KLF17: variants seen among roughly 807,000 people sequenced by gnomAD.
KLF17 encodes Krueppel-like factor 17.
KLF17 carries 31 observed loss-of-function variants against 34.2 expected under a neutral mutation model. That is an observed-to-expected ratio of 0.91 (90% CI 0.68 to 1.22). The LOEUF (loss-of-function observed/expected upper bound fraction) is 1.22, where lower values mean the gene tolerates loss of function less well. Among genes scored for constraint, KLF17 ranks in the 50% most tolerant of loss-of-function variants. The pLI is 0.00. For missense variants in KLF17, 478 were observed against 505.2 expected (o/e 0.95, Z 0.52); for synonymous variants, 179 against 186.7 (o/e 0.96, Z 0.34).
the KLF17 span, chr1:44,103,945 C>A: frequency 3.5e-6 from 3 of 860,250 alleles, no homozygotes; most frequent in East Asian, 4.8e-5. Flanking sequence ...ATGCTCTCAG[C>A]CTCAGCCCGC....
At chr1:44,103,693 G>C in the KLF17 span, 48 of 1,596,816 alleles carry the variant, frequency 3.0e-5, no homozygotes, top group South Asian at 4.4e-5. Context: ...TGCTTGGCCG[G>C]CTGGAGGGCG....
At chr1:44,127,692 T>TTTTCTTTCTTTCTTTCTTTCTTTCTTTC (rs71036666) in intron 1 of KLF17, among the ~76,000 whole-genome samples, 43 of 90,168 alleles carry the variant, frequency 4.8e-4, no homozygotes, top group African/African-American at 1.2e-3. Context: ...CTTTCTTTCT[T>TTTTCTTTCTTTCTTTCTTTCTTTCTTTC]TTTCTTTCTT....
chr1:44,069,469 CGAGAGAGAGA>C, the KLF17 span, among the ~76,000 whole-genome samples: 2,575 of 127,096 alleles, frequency 0.02, 31 homozygotes, highest in Middle Eastern at 0.026. The surrounding 1 kb of genome is among the most constrained non-coding windows in gnomAD (Gnocchi z 4.7). Context: ...TGTTACATGG[CGAGAGAGAGA>C]GAGAGAGAGA....
At chr1:44,046,299 C>G in the KLF17 span, 6 of 151,422 alleles carry the variant, frequency 4.0e-5, no homozygotes, top group Admixed American at 4.0e-4. Context: ...CTCACTGCAG[C>G]CTTGACCTCC....
At chr1:44,127,635 T>TG (rs2088027405) in intron 1 of KLF17, among the ~76,000 whole-genome samples, 1 of 29,756 alleles carries the variant, frequency 3.4e-5, no homozygotes, top group Non-Finnish European at 7.9e-5. Flanking sequence ...TTTTCTTTTC[T>TG]TTCCTTCTTT....
At chr1:44,132,869 G>A (rs529947060) in intron 3 of KLF17, among the ~76,000 whole-genome samples, 20 of 152,110 alleles carry the variant, frequency 1.3e-4, no homozygotes, top group Non-Finnish European at 1.0e-4. Flanking sequence ...ATTTAGACTC[G>A]GCAGGCTGTT....
At chr1:44,098,912 G>C in the KLF17 span, among the ~76,000 whole-genome samples, 1 of 83,834 alleles carries the variant, frequency 1.2e-5, no homozygotes, top group African/African-American at 4.3e-5. Flanking sequence ...TTTTTTTTTT[G>C]AGACAGGGTC....
the KLF17 span, among the ~76,000 whole-genome samples, chr1:44,079,604 TA>T: frequency 1.3e-5 from 2 of 152,042 alleles, no homozygotes; most frequent in Non-Finnish European, 2.9e-5. Context: ...ACGCCTGGCC[TA>T]GTAATTCTTT....
the KLF17 span, among the ~76,000 whole-genome samples, chr1:44,071,992 G>T: frequency 2.5e-4 from 37 of 150,260 alleles, no homozygotes; most frequent in African/African-American, 4.7e-4. Flanking sequence ...GTTTTTTTTT[G>T]GGGGGGGACG....
the KLF17 span, among the ~76,000 whole-genome samples, chr1:44,090,143 A>AG: frequency 2.0e-5 from 3 of 150,334 alleles, no homozygotes; most frequent in African/African-American, 7.4e-5. Context: ...AAAAAAAAAA[A>AG]AGAGAGAGAG....
chr1:44,113,315 C>T, the KLF17 span, among the ~76,000 whole-genome samples: 3 of 152,134 alleles, frequency 2.0e-5, no homozygotes, highest in African/African-American at 4.8e-5. Flanking sequence ...AGAGAGGCAA[C>T]AGAACAGAAT....
At chr1:44,129,277 TG>T in intron 1 of KLF17, 75 bp from the exon 2 acceptor site, 2 of 1,456,446 alleles carry the variant, frequency 1.4e-6, no homozygotes, top group Non-Finnish European at 1.8e-6. Context: ...TGGATTAGGA[TG>T]GGGTCTGGGG....
the KLF17 span, among the ~76,000 whole-genome samples, chr1:44,091,050 TAAA>T: frequency 6.6e-6 from 1 of 152,102 alleles, no homozygotes; most frequent in Non-Finnish European, 1.5e-5. Context: ...ATGAGTACCC[TAAA>T]GAGCTTTTGT....
At chr1:44,069,673 T>C in the KLF17 span, among the ~76,000 whole-genome samples, 1 of 152,166 alleles carries the variant, frequency 6.6e-6, no homozygotes, top group African/African-American at 2.4e-5. This position sits in a 1 kb window ranked among gnomAD's most constrained non-coding sequence, Gnocchi z 4.7. Flanking sequence ...GGGGATCACA[T>C]TTCAACTGAG....
At chr1:44,067,348 A>T in the KLF17 span, among the ~76,000 whole-genome samples, 1 of 152,204 alleles carries the variant, frequency 6.6e-6, no homozygotes, top group East Asian at 1.9e-4. Context: ...GATAAAGCTG[A>T]ATTTTGAGAC....
chr1:44,111,816 C>T, the KLF17 span, among the ~76,000 whole-genome samples: 1 of 152,132 alleles, frequency 6.6e-6, no homozygotes, highest in Non-Finnish European at 1.5e-5. Context: ...TTGCTTGAAC[C>T]CTGGAGGCAG....
At chr1:44,044,040 C>T in the KLF17 span, 1 of 152,532 alleles carries the variant, frequency 6.6e-6, no homozygotes, top group Non-Finnish European at 1.5e-5. Flanking sequence ...TTCTGTGTAA[C>T]CAGCTGTGGC....
chr1:44,090,042 C>T, the KLF17 span, among the ~76,000 whole-genome samples: 12,471 of 149,248 alleles, frequency 0.084, 794 homozygotes, highest in South Asian at 0.25. Flanking sequence ...GGAGCTGATG[C>T]GGGAGGATCC....
chr1:44,059,283 T>G, the KLF17 span, among the ~76,000 whole-genome samples: 2 of 152,186 alleles, frequency 1.3e-5, no homozygotes. Flanking sequence ...TCTTTTCTGT[T>G]GCTTTAGCCA....
Sources: gnomAD v4.1 joint callset for allele counts (sites outside exome capture counted in the v4.1 genomes callset) on GRCh38, gnomAD v4.1.1 for gene constraint, Gnocchi (gnomAD v3.1) non-coding constraint, MANE v1.5 for transcripts, NCBI Gene and HGNC (gene_info 2026-07-23, HGNC 2026-07-21) for gene names.